Variants in SIPA1L2 observed in about 807,000 individuals in gnomAD.
The protein encoded by SIPA1L2 is signal-induced proliferation-associated 1-like protein 2.
SIPA1L2 carries 56 observed loss-of-function variants against 163.9 expected under a neutral mutation model. The ratio of observed to expected loss-of-function variants is 0.34; its 90% CI spans 0.28 to 0.43. SIPA1L2 has a LOEUF of 0.43. Ranked by LOEUF, SIPA1L2 falls within the 20% of genes least tolerant of loss-of-function variation. SIPA1L2 has a pLI of 1.00. For synonymous variants in SIPA1L2, 877 were observed against 865.7 expected (o/e 1.01, Z -0.23); for missense variants, 1,974 against 2,193.5 (o/e 0.90, Z 2.00).
At chr1:232,424,731 T>C (rs903803505) in intron 18 of SIPA1L2, among the ~76,000 whole-genome samples, 6 of 152,186 alleles carry the variant, frequency 3.9e-5, no homozygotes, top group African/African-American at 7.2e-5. Flanking sequence ...ATGTTAAACA[T>C]TGGAAATATT....
Position 232,433,721 on chromosome 1 carries a change from CAA to C in SIPA1L2, c.4032-1252_4032-1251del, listed in dbSNP as rs536241568. Reference sequence around the variant, plus strand: ...GATCAACAATATGTTTTATGAAAAACAAAAGTTACTTTATAAATATGAAAAAT... The same window carrying C: ...GATCAACAATATGTTTTATGAAAAACAAGTTACTTTATAAATATGAAAAAT... On this transcript the variant is annotated intron_variant, in intron 15 of 22. Transcript: ENST00000674635. Among the ~76,000 whole-genome samples, 84 of 152,124 alleles carry C rather than the reference CAA, an allele frequency of 5.5e-4. 2 individuals are homozygous for C. The South Asian group carries it at 0.015, about 26-fold the overall frequency.
rs184547580 is a variant in SIPA1L2, at chr1:232,452,606, T to C, written c.3096-6820A>G. Among the ~76,000 whole-genome samples the C allele has an allele frequency of 1.6e-4, 25 of 152,358 alleles. No homozygotes were observed. The East Asian group carries it at 4.8e-3, about 29-fold the overall frequency. On this transcript the variant is annotated intron_variant, in intron 10 of 22. Coordinates refer to ENST00000674635, the MANE Select transcript of SIPA1L2 (RefSeq NM_020808.5). ...TTTGGACACTGGAAGGTGGAATCCC[T>C]GCTGGCCAGGCTATGGACTTGGTTC...
intron 9 of SIPA1L2, chr1:232,462,258 C>A: frequency 6.4e-7 from 1 of 1,550,814 alleles, no homozygotes; most frequent in Non-Finnish European, 8.7e-7. Context: ...ATGACTATGA[C>A]CTCACCTATC....
intron 2 of SIPA1L2, among the ~76,000 whole-genome samples, chr1:232,529,770 A>C (rs1330680884): frequency 1.3e-5 from 2 of 152,238 alleles, no homozygotes; most frequent in Non-Finnish European, 2.9e-5. Context: ...GCTAGGAGTA[A>C]ATAGTTTTAA....
At chr1:232,541,935 ATCTC>A (rs59407464) in intron 2 of SIPA1L2, among the ~76,000 whole-genome samples, 16 of 148,202 alleles carry the variant, frequency 1.1e-4, no homozygotes, top group South Asian at 4.3e-4. Context: ...TGAGCCTTAA[ATCTC>A]TCTCTCTCTC....
At chr1:232,604,083 G>A (rs1437436685) in intron 1 of SIPA1L2, among the ~76,000 whole-genome samples, 6 of 151,882 alleles carry the variant, frequency 4.0e-5, no homozygotes, top group Non-Finnish European at 1.5e-5. Flanking sequence ...CAAGCAGAAG[G>A]ATACAACGCA....
intron 10 of SIPA1L2, among the ~76,000 whole-genome samples, chr1:232,455,373 A>G (rs4649375): frequency 0.3 from 46,270 of 151,990 alleles, 7,689 homozygotes; most frequent in East Asian, 0.57. Flanking sequence ...GATGTTCAAC[A>G]GTGGTCTGGA....
At chr1:232,456,054 G>A (rs924770205) in intron 10 of SIPA1L2, among the ~76,000 whole-genome samples, 10 of 151,998 alleles carry the variant, frequency 6.6e-5, no homozygotes, top group East Asian at 1.9e-4. Context: ...CCCACGACAC[G>A]TAATTTACCC....
At chr1:232,611,947 G>T (rs1335689699) in intron 1 of SIPA1L2, among the ~76,000 whole-genome samples, 1 of 152,162 alleles carries the variant, frequency 6.6e-6, no homozygotes, top group African/African-American at 2.4e-5. Flanking sequence ...AGGAGAAAAT[G>T]GTTTCATGGG....
intron 10 of SIPA1L2, among the ~76,000 whole-genome samples, chr1:232,448,513 C>T (rs1298102826): frequency 6.6e-6 from 1 of 152,198 alleles, no homozygotes; most frequent in Non-Finnish European, 1.5e-5. Context: ...ATCATCACAA[C>T]AGAACAAGGA....
intron 2 of SIPA1L2, among the ~76,000 whole-genome samples, chr1:232,529,725 A>T (rs897374826): frequency 2.0e-5 from 3 of 152,254 alleles, no homozygotes; most frequent in East Asian, 1.9e-4. Flanking sequence ...TAGGGTGGCA[A>T]ATCAGACATC....
At chr1:232,620,178 CGGCCAG>C (rs1165922813) in intron 1 of SIPA1L2, among the ~76,000 whole-genome samples, 1 of 152,166 alleles carries the variant, frequency 6.6e-6, no homozygotes, top group Non-Finnish European at 1.5e-5. Context: ...CCACCACGCC[CGGCCAG>C]ATTTTTTTAA....
chr1:232,400,902 C>A (rs1225427402), intron 22 of SIPA1L2, among the ~76,000 whole-genome samples: 1 of 152,172 alleles, frequency 6.6e-6, no homozygotes, highest in South Asian at 2.1e-4. Flanking sequence ...TTGACCACCA[C>A]CTCCAGTCTT....
rs552001369 is a variant in SIPA1L2 at position 232,503,473 on chromosome 1, G to A, written c.1484-9813C>T. Among the ~76,000 whole-genome samples, 7 of 152,312 alleles carry A rather than the reference G, an allele frequency of 4.6e-5. No individual in the cohort carries two copies. The East Asian group carries it at 1.4e-3, about 29-fold the overall frequency. ...TTGACCAGTTAAGGATCACAACTCT[G>A]CAGGGCCTCCTGAGGCCAGGTACGT... On this transcript the variant is annotated intron_variant, in intron 3 of 22. Transcript: ENST00000674635.
rs139316609 is a variant in SIPA1L2 at position 232,599,286 on chromosome 1, A to G, written c.-318-25064T>C. On this transcript the variant is annotated intron_variant, in intron 1 of 22. Coordinates refer to ENST00000674635, the MANE Select transcript of SIPA1L2 (RefSeq NM_020808.5). The stretch of plus-strand genomic sequence containing the variant: ...TACCACCCACTCTGCCTAGGCCAAT[A>G]ACAGCTTAATGAGTCTGACGGTGGA... Among the ~76,000 whole-genome samples the G allele has an allele frequency of 2.6e-5, 4 of 152,290 alleles. No homozygotes were observed. In the East Asian group the frequency reaches 7.7e-4, roughly 29 times the overall value.
In SIPA1L2 at chr1:232,476,645, G is replaced by A. The variant is rs543070961; in HGVS notation, c.2085+2982C>T. ...TTGCAGGACTTAACTTTTGAAGAGAGAAAATAACTCCAAGAGCAGGGTTTC... is the reference window on the plus strand; with the variant it reads ...TTGCAGGACTTAACTTTTGAAGAGAAAAAATAACTCCAAGAGCAGGGTTTC... On this transcript the variant is annotated intron_variant, in intron 7 of 22. Coordinates refer to ENST00000674635, the MANE Select transcript of SIPA1L2 (RefSeq NM_020808.5). Among the ~76,000 whole-genome samples the A allele has an allele frequency of 7.8e-4, 119 of 152,290 alleles. 1 individual carries two copies. The South Asian group carries it at 0.023, about 30-fold the overall frequency.
chr1:232,408,749 C>T (rs1361929795), intron 19 of SIPA1L2, among the ~76,000 whole-genome samples: 3 of 152,024 alleles, frequency 2.0e-5, no homozygotes, highest in South Asian at 4.1e-4. Context: ...AGTTCCTTTA[C>T]GTACTTTAGG....
chr1:232,450,832 T>C (rs372542092), intron 10 of SIPA1L2, among the ~76,000 whole-genome samples: 7 of 152,182 alleles, frequency 4.6e-5, no homozygotes, highest in South Asian at 4.1e-4. Context: ...ACATGTAATA[T>C]AAATGCATAA....
chr1:232,530,227 G>GC (rs11370972), intron 2 of SIPA1L2, among the ~76,000 whole-genome samples: 139,825 of 151,942 alleles, frequency 0.92, 65,050 homozygotes, highest in African/African-American at 0.99. Context: ...CGATTCCCCC[G>GC]CCCAGCCTCC....
Sources: gnomAD v4.1 joint callset for allele counts (sites outside exome capture counted in the v4.1 genomes callset) on GRCh38, gnomAD v4.1.1 for gene constraint, MANE v1.5 for transcripts, NCBI Gene and HGNC (gene_info 2026-07-23, HGNC 2026-07-21) for gene names.